The following PPIL1 variants were observed in gnomAD, a reference collection of about 807,000 sequenced individuals.
PPIL1 encodes the protein peptidylprolyl isomerase like 1.
A neutral mutation model predicts 19.4 loss-of-function variants in PPIL1; 14 were observed. That is an observed-to-expected ratio of 0.72 (90% confidence interval 0.48 to 1.13). The LOEUF is 1.13. Among genes scored for constraint, PPIL1 ranks in the 50% most tolerant of loss-of-function variants. PPIL1 has a pLI of 0.00. For missense variants in PPIL1, 192 were observed against 218.0 expected (o/e 0.88, Z 0.75); for synonymous variants, 72 against 73.6 (o/e 0.98, Z 0.11).
intron 2 of PPIL1, among the ~76,000 whole-genome samples, chr6:36,868,104 C>T (rs6938178): frequency 0.053 from 8,046 of 152,208 alleles, 283 homozygotes; most frequent in Middle Eastern, 0.15. Flanking sequence ...CTATCTCAAG[C>T]TATGGATGAT....
At chr6:36,856,523 G>T in intron 3 of PPIL1, 63 bp downstream of exon 3, 1 of 1,465,850 alleles carries the variant, frequency 6.8e-7, no homozygotes, top group South Asian at 1.1e-5. Context: ...CTTGAATCAT[G>T]GCCAAAAGAG....
At position 36,855,392 on chromosome 6, in the gene PPIL1, T is replaced by C. The variant is rs1774145641; in HGVS notation, c.*421A>G. On this transcript the variant is annotated 3_prime_UTR_variant, in exon 4 of 4. Transcript: ENST00000373699. Reference sequence around the variant, plus strand: ...AAGAGGGCTGACAGACACTACTTGGTTTGGAATTCTGTGGCTGTCAGCCAT... The same window carrying C: ...AAGAGGGCTGACAGACACTACTTGGCTTGGAATTCTGTGGCTGTCAGCCAT... 1 of 224,882 alleles carries C rather than the reference T, an allele frequency of 4.4e-6. No individual in the cohort carries two copies. Among genetic ancestry groups the C allele is most frequent in the African/African-American group, 2.2e-5 (1 of 44,470 alleles). The allele number at this position is 224,882 out of a possible 1,614,324, so 13.9% of individuals were successfully genotyped here.
rs1774159373 is a variant in PPIL1, at chr6:36,855,988, C to T, written c.326G>A (p.Gly109Asp). 1.2e-6 allele frequency: 2 copies of T among 1,614,062 alleles called. No individual in the cohort carries two copies. Among genetic ancestry groups the T allele is most frequent in the African/African-American group, 1.3e-5 (1 of 74,914 alleles). The change falls in exon 4 of 4, where the codon GGC (glycine) becomes GAC (aspartate). Residue 109 changes from glycine to aspartate, a missense_variant. Transcript: ENST00000373699. ...AMANAGPDTNGSQFFVTLAPT... is the reference protein window; with the variant it reads ...AMANAGPDTNDSQFFVTLAPT... ...GGCGAGGGTCACAAAGAACTGGCTG[C>T]CATTGGTATCTGGCCCCGCATTGGC...
chr6:36,855,822 AG>A lies in PPIL1; in HGVS notation c.491del (p.Pro164LeufsTer27). ...VDDVKIIKAY[P>X]SG ...CAAGAGGGTAGCAAGTCTACCCAGA[AG>A]GGTATGCCTTAATGATCTTCACGTC... On this transcript the variant is annotated frameshift_variant, in exon 4 of 4. Transcript: ENST00000373699. LOFTEE classifies it high-confidence loss of function. 6.2e-7 allele frequency: 1 copy of A among 1,614,144 alleles called. No homozygotes were observed. The highest frequency in any genetic ancestry group is 8.5e-7 in the Non-Finnish European group (1 of 1,179,968).
intron 1 of PPIL1, among the ~76,000 whole-genome samples, chr6:36,873,021 G>A (rs12661551): frequency 0.19 from 29,654 of 152,186 alleles, 3,725 homozygotes; most frequent in East Asian, 0.36. Context: ...CAGCCTTTCT[G>A]CCTGAAATTC....
intron 2 of PPIL1, among the ~76,000 whole-genome samples, chr6:36,865,772 T>C (rs1048045782): frequency 2.6e-5 from 4 of 152,224 alleles, no homozygotes; most frequent in African/African-American, 9.7e-5. Flanking sequence ...TTATAATGAA[T>C]AGTTTGTTTC....
chr6:36,872,503 C>T (rs1450679800), intron 1 of PPIL1, among the ~76,000 whole-genome samples: 4 of 152,050 alleles, frequency 2.6e-5, no homozygotes, highest in African/African-American at 9.7e-5. Flanking sequence ...AGGATGAGTG[C>T]TTTTTCCTCA....
At chr6:36,859,102 CA>C (rs965499676) in intron 2 of PPIL1, among the ~76,000 whole-genome samples, 1 of 152,068 alleles carries the variant, frequency 6.6e-6, no homozygotes, top group African/African-American at 2.4e-5. Flanking sequence ...TCACCACAAA[CA>C]AGAAGTGCAT....
In PPIL1 at chr6:36,874,724, C is replaced by T; in HGVS notation, c.49G>A (p.Glu17Lys). 1 of 1,614,152 alleles carries T rather than the reference C, an allele frequency of 6.2e-7. No individual in the cohort carries two copies. Among genetic ancestry groups the T allele is most frequent in the Admixed American group, 1.7e-5 (1 of 60,030 alleles). The change falls in exon 1 of 4, where the codon GAG (glutamate) becomes AAG (lysine). Residue 17 changes from glutamate to lysine, a missense_variant. Glu to Lys is a moderately conservative substitution (Grantham distance 56). Coordinates refer to ENST00000373699, the MANE Select transcript of PPIL1 (RefSeq NM_016059.5). ...DSWQPPNVYL[E>K]TSMGIIVLEL... ...ACGCCCGAACCCCCTCACCTGGTCT[C>T]CAAGTAAACGTTGGGTGGCTGCCAG...
intron 2 of PPIL1, among the ~76,000 whole-genome samples, chr6:36,863,217 C>T (rs1774325225): frequency 6.6e-6 from 1 of 152,204 alleles, no homozygotes; most frequent in Admixed American, 6.5e-5. Context: ...CGGGAGGCAG[C>T]CTGCCTGGGT....
intron 2 of PPIL1, among the ~76,000 whole-genome samples, chr6:36,864,634 T>C (rs544358215): frequency 3.3e-5 from 5 of 152,104 alleles, no homozygotes; most frequent in Non-Finnish European, 5.9e-5. Context: ...TGGAGACAAT[T>C]TGGGTTGTCA....
At chr6:36,870,559 T>C (rs1774488373) in intron 2 of PPIL1, among the ~76,000 whole-genome samples, 1 of 152,206 alleles carries the variant, frequency 6.6e-6, no homozygotes, top group Non-Finnish European at 1.5e-5. Flanking sequence ...CAACAACTAT[T>C]TACATAGTGT....
At chr6:36,871,596 AGCTCTGGCT>A in intron 2 of PPIL1, 113 bp downstream of exon 2, 1 of 1,219,704 alleles carries the variant, frequency 8.2e-7, no homozygotes, top group Admixed American at 2.6e-5. Context: ...TGGAAAAGAG[AGCTCTGGCT>A]GCCTTATCAC....
At chr6:36,867,407 G>A (rs958448323) in intron 2 of PPIL1, among the ~76,000 whole-genome samples, 14 of 152,198 alleles carry the variant, frequency 9.2e-5, no homozygotes, top group African/African-American at 3.4e-4. Flanking sequence ...AGTCAGCCAA[G>A]AGGAAAAAAT....
intron 2 of PPIL1, among the ~76,000 whole-genome samples, chr6:36,856,857 T>C (rs1180253625): frequency 6.6e-6 from 1 of 152,234 alleles, no homozygotes; most frequent in African/African-American, 2.4e-5. Flanking sequence ...GATAAGACTT[T>C]CCTTTTCAAA....
chr6:36,861,055 A>C (rs1303425645), intron 2 of PPIL1, among the ~76,000 whole-genome samples: 2 of 151,904 alleles, frequency 1.3e-5, no homozygotes, highest in African/African-American at 4.8e-5. Context: ...CCATGCTATA[A>C]AAACTATTCT....
intron 2 of PPIL1, among the ~76,000 whole-genome samples, chr6:36,870,790 A>G (rs1402873233): frequency 6.6e-6 from 1 of 152,038 alleles, no homozygotes; most frequent in Non-Finnish European, 1.5e-5. Flanking sequence ...CCGCCCGGCT[A>G]ATTTTTGTAT....
chr6:36,861,100 C>T (rs1180306265), intron 2 of PPIL1, among the ~76,000 whole-genome samples: 3 of 152,090 alleles, frequency 2.0e-5, no homozygotes, highest in South Asian at 4.2e-4. Flanking sequence ...CAAGAGCTCT[C>T]GGGGGCCAAT....
At chr6:36,869,367 G>C (rs1424917464) in intron 2 of PPIL1, among the ~76,000 whole-genome samples, 1 of 152,206 alleles carries the variant, frequency 6.6e-6, no homozygotes, top group Non-Finnish European at 1.5e-5. Context: ...CATTTGGTGA[G>C]AGCCTTCTTG....
Sources: allele counts gnomAD v4.1 joint callset (sites outside exome capture counted in the v4.1 genomes callset), GRCh38; gene constraint gnomAD v4.1.1; transcripts MANE v1.5; gene names NCBI Gene and HGNC (gene_info 2026-07-23, HGNC 2026-07-21).